Variants in CACNG2 observed in about 807,000 individuals in gnomAD.
The protein encoded by CACNG2 is calcium voltage-gated channel auxiliary subunit gamma 2, also known as voltage-dependent calcium channel gamma-2 subunit.
A neutral mutation model predicts 25.9 loss-of-function variants in CACNG2; 3 were observed. The observed-to-expected ratio is 0.12, with a 90% CI of 0.05 to 0.30. The LOEUF (loss-of-function observed/expected upper bound fraction) is 0.30, where lower values mean the gene tolerates loss of function less well. Among genes scored for constraint, CACNG2 ranks in the 10% least tolerant of loss-of-function variants. The probability of loss-of-function intolerance (pLI) is 1.00; values close to 1 mark genes in which losing one functional copy is unlikely to be tolerated. For missense variants in CACNG2, 341 were observed against 432.5 expected (o/e 0.79, Z 1.88); for synonymous variants, 167 against 173.3 (o/e 0.96, Z 0.29).
chr22:36,693,208 C>T (rs1601459873), intron 1 of CACNG2, among the ~76,000 whole-genome samples: 2 of 152,172 alleles, frequency 1.3e-5, no homozygotes, highest in East Asian at 1.9e-4. Flanking sequence ...CAGGAAGCCT[C>T]CTTGAGAAGG....
intron 1 of CACNG2, among the ~76,000 whole-genome samples, chr22:36,685,160 C>A (rs1229569037): frequency 6.6e-6 from 1 of 152,170 alleles, no homozygotes; most frequent in Non-Finnish European, 1.5e-5. Context: ...GGCAGCGTTT[C>A]TGGGGGCGGC....
rs1935426414 is a variant in CACNG2 at position 36,582,036 on chromosome 22, A to G, written c.295+5429T>C. Among the ~76,000 whole-genome samples, 4 of 152,314 alleles carry G rather than the reference A, an allele frequency of 2.6e-5. No homozygotes were observed. The South Asian group carries it at 8.3e-4, about 32-fold the overall frequency. On this transcript the variant is annotated intron_variant, in intron 2 of 3. Transcript: ENST00000300105. ...AAATCCTGTGTGCGGTGCCCTGGAA[A>G]TATTTTCAACATTGATCCTATTTCA...
chr22:36,607,038 C>T (rs557420980), intron 1 of CACNG2, among the ~76,000 whole-genome samples: 12 of 151,472 alleles, frequency 7.9e-5, no homozygotes, highest in Admixed American at 2.0e-4. Flanking sequence ...TGTGAACTTA[C>T]GAGCAATGGG....
chr22:36,660,721 C>T (rs919572918), intron 1 of CACNG2, among the ~76,000 whole-genome samples: 12 of 152,178 alleles, frequency 7.9e-5, no homozygotes, highest in African/African-American at 2.9e-4. Context: ...TTGAAAGCAC[C>T]CAGGGCTGGG....
chr22:36,659,803 C>T (rs1325033729), intron 1 of CACNG2, among the ~76,000 whole-genome samples: 1 of 152,078 alleles, frequency 6.6e-6, no homozygotes, highest in Non-Finnish European at 1.5e-5. Context: ...AGATGGAACA[C>T]CTTGAATATC....
At chr22:36,591,865 G>C (rs962155849) in intron 1 of CACNG2, among the ~76,000 whole-genome samples, 2 of 151,944 alleles carry the variant, frequency 1.3e-5, no homozygotes, top group Non-Finnish European at 2.9e-5. Flanking sequence ...TGGTGGGAGG[G>C]TGTAACACTT....
chr22:36,672,552 G>C (rs1455310203), intron 1 of CACNG2, among the ~76,000 whole-genome samples: 1 of 152,162 alleles, frequency 6.6e-6, no homozygotes, highest in East Asian at 1.9e-4. Context: ...GCTGAGAACA[G>C]CTACTCTAAT....
intron 1 of CACNG2, among the ~76,000 whole-genome samples, chr22:36,649,839 T>G (rs1936580774): frequency 6.6e-6 from 1 of 152,222 alleles, no homozygotes; most frequent in South Asian, 2.1e-4. Context: ...CCTTTGCTCT[T>G]CCTTTGTCTT....
chr22:36,694,014 G>C (rs1375249756), intron 1 of CACNG2, among the ~76,000 whole-genome samples: 1 of 152,150 alleles, frequency 6.6e-6, no homozygotes, highest in Admixed American at 6.5e-5. Flanking sequence ...TGTTGGAAAA[G>C]AGCAACCATC....
chr22:36,606,062 G>A lies in CACNG2; in HGVS notation c.212-18514C>T. Among the ~76,000 whole-genome samples, 1 of 152,316 alleles carries A rather than the reference G, an allele frequency of 6.6e-6. No homozygotes were observed. Among genetic ancestry groups the A allele is most frequent in the East Asian group, 1.9e-4 (1 of 5,190 alleles). The stretch of plus-strand genomic sequence containing the variant: ...TCTTTCTGCCGTGTATTAACCATGT[G>A]CTCTCGGACAAGGTGTTCATCTTTC... On this transcript the variant is annotated intron_variant, in intron 1 of 3. Coordinates refer to ENST00000300105, the MANE Select transcript of CACNG2 (RefSeq NM_006078.5). This position sits in a 1 kb window ranked among gnomAD's most constrained non-coding sequence, Gnocchi z 5.7.
chr22:36,655,429 T>G (rs541209364), intron 1 of CACNG2, among the ~76,000 whole-genome samples: 2 of 152,302 alleles, frequency 1.3e-5, no homozygotes, highest in African/African-American at 4.8e-5. Context: ...TTCTTCATAG[T>G]TCTATTTTAG....
At chr22:36,628,029 A>T (rs1353203458) in intron 1 of CACNG2, among the ~76,000 whole-genome samples, 1 of 152,214 alleles carries the variant, frequency 6.6e-6, no homozygotes, top group Non-Finnish European at 1.5e-5. Flanking sequence ...ATATATGTAC[A>T]TTCACAGAAA....
chr22:36,683,460 C>T (rs1937153616), intron 1 of CACNG2, among the ~76,000 whole-genome samples: 2 of 152,230 alleles, frequency 1.3e-5, no homozygotes, highest in South Asian at 4.1e-4. Flanking sequence ...TAAAATCCTA[C>T]ACTATCTCTC....
At chr22:36,699,764 T>C (rs949444401) in intron 1 of CACNG2, among the ~76,000 whole-genome samples, 6 of 152,162 alleles carry the variant, frequency 3.9e-5, no homozygotes, top group Non-Finnish European at 5.9e-5. Flanking sequence ...CCATTCTGAG[T>C]GCTCATAAAA....
In CACNG2 at chr22:36,606,681, G is replaced by A. The variant is rs1473095799; in HGVS notation, c.212-19133C>T. 6.6e-6 allele frequency among the ~76,000 whole-genome samples: 1 copy of A among 152,100 alleles called. No homozygotes were observed. The highest frequency in any genetic ancestry group is 1.5e-5 in the Non-Finnish European group (1 of 68,012). ...GGTGTTTGAGAGAAGAGCAAGTGAG[G>A]GCCAACCAGAGAGAGGACAGGATGC... On this transcript the variant is annotated intron_variant, in intron 1 of 3. Transcript: ENST00000300105. This position sits in a 1 kb window ranked among gnomAD's most constrained non-coding sequence, Gnocchi z 5.7.
intron 2 of CACNG2, among the ~76,000 whole-genome samples, chr22:36,567,849 TTTA>T (rs1051589563): frequency 1.3e-5 from 2 of 152,018 alleles, no homozygotes; most frequent in African/African-American, 4.8e-5. Context: ...ATATGTCTTC[TTTA>T]TTATTATTAT....
intron 1 of CACNG2, among the ~76,000 whole-genome samples, chr22:36,639,833 T>C (rs1365191106): frequency 6.6e-6 from 1 of 152,130 alleles, no homozygotes; most frequent in Non-Finnish European, 1.5e-5. Flanking sequence ...AGGTACTGGC[T>C]CCCTAGAGAC....
chr22:36,698,536 C>T lies in CACNG2; in HGVS notation c.211+3830G>A, dbSNP rs543194304. Among the ~76,000 whole-genome samples the T allele has an allele frequency of 7.2e-5, 11 of 152,204 alleles. No homozygotes were observed. The East Asian group carries it at 1.9e-3, about 27-fold the overall frequency. On this transcript the variant is annotated intron_variant, in intron 1 of 3. Transcript: ENST00000300105. Reference sequence around the variant, plus strand: ...CCGAGCGTGGAGCACTGTATCACCTCGCAGGCCATCATGACTTGGAAAAGA... The same window carrying T: ...CCGAGCGTGGAGCACTGTATCACCTTGCAGGCCATCATGACTTGGAAAAGA...
intron 1 of CACNG2, among the ~76,000 whole-genome samples, chr22:36,676,717 A>G (rs1937024883): frequency 6.6e-6 from 1 of 152,200 alleles, no homozygotes; most frequent in Non-Finnish European, 1.5e-5. Context: ...TAGAGAGGTT[A>G]AGGGCCTTGA....
Sources: gnomAD v4.1 joint callset for allele counts (sites outside exome capture counted in the v4.1 genomes callset) on GRCh38, gnomAD v4.1.1 for gene constraint, Gnocchi (gnomAD v3.1) non-coding constraint, MANE v1.5 for transcripts, NCBI Gene and HGNC (gene_info 2026-07-23, HGNC 2026-07-21) for gene names.